Variants in ANKFN1 observed in about 807,000 individuals in gnomAD.
ANKFN1 encodes ankyrin repeat and fibronectin type III domain containing 1.
ANKFN1 carries 74 observed loss-of-function variants against 108.7 expected under a neutral mutation model. The observed-to-expected ratio is 0.68, with a 90% CI of 0.56 to 0.83. The LOEUF is 0.83. Among genes scored for constraint, ANKFN1 ranks in the 40% least tolerant of loss-of-function variants. ANKFN1 has a pLI of 0.00. For synonymous variants in ANKFN1, 547 were observed against 516.2 expected (o/e 1.06, Z -0.81); for missense variants, 1,505 against 1,382.3 (o/e 1.09, Z -1.41).
chr17:56,329,300 A>G (rs1435758022), intron 4 of ANKFN1, among the ~76,000 whole-genome samples: 4 of 152,132 alleles, frequency 2.6e-5, no homozygotes, highest in Non-Finnish European at 4.4e-5. Context: ...CCTCACTGGT[A>G]CTGACTTACC....
chr17:56,082,048 T>G (rs1177363357), intron 4 of ANKFN1, among the ~76,000 whole-genome samples: 1 of 152,172 alleles, frequency 6.6e-6, no homozygotes, highest in Non-Finnish European at 1.5e-5. Flanking sequence ...AGAGGCAGTG[T>G]GACAACTGCC....
At chr17:56,219,826 A>G (rs1288287823) in intron 2 of ANKFN1, among the ~76,000 whole-genome samples, 1 of 152,234 alleles carries the variant, frequency 6.6e-6, no homozygotes, top group African/African-American at 2.4e-5. Flanking sequence ...TTCTGCTCCA[A>G]TGGCGGCTAC....
intron 1 of ANKFN1, among the ~76,000 whole-genome samples, chr17:56,186,624 C>G (rs1041304450): frequency 6.6e-6 from 1 of 152,198 alleles, no homozygotes; most frequent in Non-Finnish European, 1.5e-5. Context: ...AATGACTTAT[C>G]CCCTGGCTCC....
At chr17:56,225,501 A>G (rs1449599377) in intron 2 of ANKFN1, among the ~76,000 whole-genome samples, 3 of 152,276 alleles carry the variant, frequency 2.0e-5, no homozygotes, top group Middle Eastern at 3.4e-3. Context: ...TGATCCCTCT[A>G]AACTGTCCAA....
At chr17:56,068,217 G>C (rs1303334326) in intron 4 of ANKFN1, among the ~76,000 whole-genome samples, 1 of 152,078 alleles carries the variant, frequency 6.6e-6, no homozygotes, top group Non-Finnish European at 1.5e-5. Context: ...CTTGACCCCA[G>C]TATCCATCAG....
chr17:56,261,641 A>C (rs1268579979), intron 3 of ANKFN1, among the ~76,000 whole-genome samples: 4 of 152,190 alleles, frequency 2.6e-5, no homozygotes, highest in African/African-American at 9.7e-5. Context: ...TTGGAGTCCC[A>C]TGTTCAAGGG....
chr17:56,209,003 G>A (rs917566883), intron 1 of ANKFN1, among the ~76,000 whole-genome samples: 4 of 151,938 alleles, frequency 2.6e-5, no homozygotes, highest in African/African-American at 9.7e-5. Context: ...TAGGCCTCCC[G>A]AGTTAGCTGG....
At chr17:56,147,849 CAAGTT>C (rs1262825117) in intron 4 of ANKFN1, among the ~76,000 whole-genome samples, 13 of 152,192 alleles carry the variant, frequency 8.5e-5, no homozygotes, top group Admixed American at 7.9e-4. Flanking sequence ...CTACTTGTGT[CAAGTT>C]AAGATAAAAA....
chr17:56,315,831 C>A (rs2045190228), intron 3 of ANKFN1, among the ~76,000 whole-genome samples: 1 of 152,038 alleles, frequency 6.6e-6, no homozygotes, highest in Admixed American at 6.6e-5. Context: ...AAGAACTAGG[C>A]CAGAAATAAA....
At chr17:56,163,806 G>A (rs1315473915) in intron 1 of ANKFN1, among the ~76,000 whole-genome samples, 1 of 152,152 alleles carries the variant, frequency 6.6e-6, no homozygotes. Flanking sequence ...AGACTTAGAA[G>A]ACAATCTGAA....
intron 1 of ANKFN1, among the ~76,000 whole-genome samples, chr17:56,171,990 T>G (rs1910733218): frequency 6.6e-6 from 1 of 151,964 alleles, no homozygotes; most frequent in African/African-American, 2.4e-5. Flanking sequence ...TTTGCTGTTA[T>G]CAGGAACAAT....
intron 2 of ANKFN1, among the ~76,000 whole-genome samples, chr17:56,220,867 GAA>G (rs1491254089): frequency 0.01 from 782 of 75,498 alleles, 95 homozygotes; most frequent in African/African-American, 0.066. Flanking sequence ...AGGAAGGAAG[GAA>G]GGGAGGGAGG....
upstream of ANKFN1, among the ~76,000 whole-genome samples, chr17:56,150,049 ACT>A (rs1908505248): frequency 6.6e-6 from 1 of 151,820 alleles, no homozygotes; most frequent in East Asian, 1.9e-4. Flanking sequence ...ATTTTTTATG[ACT>A]CTCTGTTACC....
chr17:56,370,861 C>T (rs2046790671), intron 6 of ANKFN1, among the ~76,000 whole-genome samples: 1 of 152,104 alleles, frequency 6.6e-6, no homozygotes, highest in South Asian at 2.1e-4. Flanking sequence ...ACTGACTTGT[C>T]AATCTCACTG....
intron 3 of ANKFN1, among the ~76,000 whole-genome samples, chr17:56,291,117 A>G (rs1270372648): frequency 6.6e-6 from 1 of 152,202 alleles, no homozygotes; most frequent in African/African-American, 2.4e-5. Context: ...AAATGATCAG[A>G]ATAGATAGAC....
intron 3 of ANKFN1, among the ~76,000 whole-genome samples, chr17:56,248,758 A>T (rs772953330): frequency 7.2e-5 from 11 of 152,308 alleles, no homozygotes; most frequent in Non-Finnish European, 1.3e-4. Context: ...TGGTTTGGAA[A>T]TCTATTTAAC....
At chr17:56,399,485 T>C (rs1013180990) in intron 8 of ANKFN1, among the ~76,000 whole-genome samples, 4 of 151,860 alleles carry the variant, frequency 2.6e-5, no homozygotes, top group Non-Finnish European at 5.9e-5. Context: ...AGGCTTTGGG[T>C]TTTTATTTTT....
chr17:56,304,723 C>T (rs540797248), intron 3 of ANKFN1, among the ~76,000 whole-genome samples: 1 of 151,876 alleles, frequency 6.6e-6, no homozygotes, highest in Admixed American at 6.5e-5. Context: ...ATTTGCATTC[C>T]CCTAATGGCT....
At chr17:56,439,545 A>T (rs2049033187) in intron 8 of ANKFN1, among the ~76,000 whole-genome samples, 1 of 151,820 alleles carries the variant, frequency 6.6e-6, no homozygotes, top group Non-Finnish European at 1.5e-5. Context: ...CACCTTGGGG[A>T]TGTCAAGGGA....
Sources: gnomAD v4.1 joint callset for allele counts (sites outside exome capture counted in the v4.1 genomes callset) on GRCh38, gnomAD v4.1.1 for gene constraint, MANE v1.5 for transcripts, NCBI Gene and HGNC (gene_info 2026-07-23, HGNC 2026-07-21) for gene names.